The following WDR59 variants were observed in gnomAD, a reference collection of about 807,000 sequenced individuals.
WDR59 encodes WD repeat domain 59, also known as GATOR2 complex protein WDR59.
Under a neutral mutation model 131.2 loss-of-function variants are expected in WDR59, and 100 were observed. The ratio of observed to expected loss-of-function variants is 0.76; its 90% CI spans 0.65 to 0.90. The LOEUF is 0.90. Among genes scored for constraint, WDR59 ranks in the 40% least tolerant of loss-of-function variants. The probability of loss-of-function intolerance (pLI) is 0.00; values close to 1 mark genes in which losing one functional copy is unlikely to be tolerated. For synonymous variants in WDR59, 601 were observed against 466.2 expected, an observed-to-expected ratio of 1.29 and a Z score of -3.72; for missense variants, 1,203 against 1,262.2, an observed-to-expected ratio of 0.95 and a Z score of 0.71.
intron 3 of WDR59, among the ~76,000 whole-genome samples, chr16:74,955,983 G>T (rs2033271512): frequency 6.6e-6 from 1 of 151,932 alleles, no homozygotes; most frequent in Admixed American, 6.6e-5. Context: ...CACATAAACA[G>T]GCACATAGAA....
intron 1 of WDR59, among the ~76,000 whole-genome samples, chr16:74,970,753 G>T (rs750286892): frequency 5.3e-5 from 8 of 152,018 alleles, no homozygotes; most frequent in Non-Finnish European, 8.8e-5. Context: ...AAACTCTGTA[G>T]TATGAAAGAT....
intron 1 of WDR59, among the ~76,000 whole-genome samples, chr16:74,974,124 T>C (rs193198231): frequency 6.6e-6 from 1 of 152,146 alleles, no homozygotes; most frequent in Admixed American, 6.6e-5. Context: ...GAGCTGAGAT[T>C]ATGCCACTGC....
At chr16:74,931,061 A>C (rs1757945121) in intron 8 of WDR59, among the ~76,000 whole-genome samples, 1 of 152,018 alleles carries the variant, frequency 6.6e-6, no homozygotes, top group African/African-American at 2.4e-5. Context: ...GTAGTTTGAT[A>C]ATTTGGATTT....
chr16:74,927,414 C>A (rs546447676), intron 8 of WDR59, among the ~76,000 whole-genome samples: 16 of 151,760 alleles, frequency 1.1e-4, no homozygotes, highest in African/African-American at 2.9e-4. Flanking sequence ...ATGGCAAAAC[C>A]CCAACTCTAC....
At chr16:74,974,065 G>A (rs1567444397) in intron 1 of WDR59, among the ~76,000 whole-genome samples, 1 of 152,186 alleles carries the variant, frequency 6.6e-6, no homozygotes. Flanking sequence ...AGCTACTCAG[G>A]AGGCTGAGGC....
intron 13 of WDR59, among the ~76,000 whole-genome samples, chr16:74,914,651 G>C (rs1275104826): frequency 6.6e-6 from 1 of 151,628 alleles, no homozygotes; most frequent in Non-Finnish European, 1.5e-5. Flanking sequence ...GGAGTGTAGT[G>C]GTGTGATCTC....
At position 74,912,371 on chromosome 16, in the gene WDR59, G is replaced by C. The variant is rs1225485269; in HGVS notation, c.1225-9C>G. On this transcript the variant is annotated splice_polypyrimidine_tract_variant and intron_variant, in intron 13 of 25. Transcript: ENST00000262144. ...CTGTCTGCCGCATCCATCTGCAAGA[G>C]ACAAATCCACAATTGCTGTAGAAAC... The C allele has an allele frequency of 1.2e-6, 2 of 1,608,796 alleles. No individual in the cohort carries two copies. Among genetic ancestry groups the C allele is most frequent in the Admixed American group, 3.3e-5 (2 of 59,844 alleles).
chr16:74,893,513 G>C (rs1250286630), intron 19 of WDR59, among the ~76,000 whole-genome samples, 166 bp downstream of exon 19: 3 of 152,130 alleles, frequency 2.0e-5, no homozygotes, highest in African/African-American at 7.2e-5. Flanking sequence ...AATGTTGTTG[G>C]AAGCTGCTAA....
At chr16:74,904,394 C>A in intron 17 of WDR59, 1 of 246,980 alleles carries the variant, frequency 4.0e-6, no homozygotes, top group Non-Finnish European at 7.8e-6. Flanking sequence ...CAATTAGAAA[C>A]AAATATTTGG....
At chr16:74,953,815 C>T (rs2033137441) in intron 3 of WDR59, among the ~76,000 whole-genome samples, 1 of 151,220 alleles carries the variant, frequency 6.6e-6, no homozygotes, top group Admixed American at 6.6e-5. Flanking sequence ...TCCTGGCTAA[C>T]AGGGCGAAAC....
At chr16:74,930,985 A>C (rs1184339112) in intron 8 of WDR59, among the ~76,000 whole-genome samples, 1 of 151,770 alleles carries the variant, frequency 6.6e-6, no homozygotes, top group Non-Finnish European at 1.5e-5. Context: ...AAAAAAAAGG[A>C]AAAAGGGAAG....
chr16:74,913,267 C>CTT (rs567994050), intron 13 of WDR59, among the ~76,000 whole-genome samples: 7,214 of 142,074 alleles, frequency 0.051, 591 homozygotes, highest in African/African-American at 0.17. Flanking sequence ...ACAAAGTATT[C>CTT]TTTTTTTTTT....
At chr16:74,921,192 C>T (rs1017833791) in intron 10 of WDR59, among the ~76,000 whole-genome samples, 6 of 152,046 alleles carry the variant, frequency 3.9e-5, no homozygotes, top group African/African-American at 1.4e-4. Flanking sequence ...TTTCATCACC[C>T]AGGTACTAAG....
intron 13 of WDR59, among the ~76,000 whole-genome samples, chr16:74,913,739 G>T (rs1966219984): frequency 6.6e-6 from 1 of 152,146 alleles, no homozygotes; most frequent in Non-Finnish European, 1.5e-5. Context: ...AAATCCATAG[G>T]GGAAGAAAGT....
At chr16:74,937,410 T>G (rs1386314047) in intron 8 of WDR59, among the ~76,000 whole-genome samples, 1 of 152,226 alleles carries the variant, frequency 6.6e-6, no homozygotes, top group Non-Finnish European at 1.5e-5. Context: ...ATAGACTAAT[T>G]GTAAACTTTG....
intron 18 of WDR59, among the ~76,000 whole-genome samples, chr16:74,903,316 A>G (rs1965641020): frequency 6.6e-6 from 1 of 152,222 alleles, no homozygotes; most frequent in African/African-American, 2.4e-5. Flanking sequence ...GTCAACACAG[A>G]AAGCTTTCTC....
chr16:74,967,886 C>G (rs1309974757), intron 1 of WDR59, among the ~76,000 whole-genome samples: 20 of 151,372 alleles, frequency 1.3e-4, no homozygotes, highest in Non-Finnish European at 4.4e-5. Flanking sequence ...GATAGAAGAC[C>G]TCAAACAACC....
chr16:74,910,609 A>G (rs1597694794), intron 14 of WDR59, among the ~76,000 whole-genome samples: 4 of 152,304 alleles, frequency 2.6e-5, no homozygotes, highest in Admixed American at 2.6e-4. Context: ...CTCAGTGACA[A>G]GAGGCATGGA....
At chr16:74,921,135 T>A (rs1597719780) in intron 10 of WDR59, among the ~76,000 whole-genome samples, 1 of 152,158 alleles carries the variant, frequency 6.6e-6, no homozygotes, top group African/African-American at 2.4e-5. Flanking sequence ...ATGTGCAGGT[T>A]TGTTACAAAG....
Sources: allele counts gnomAD v4.1 joint callset (sites outside exome capture counted in the v4.1 genomes callset), GRCh38; gene constraint gnomAD v4.1.1; transcripts MANE v1.5; gene names NCBI Gene and HGNC (gene_info 2026-07-23, HGNC 2026-07-21).